The following ZBTB25 variants were observed in gnomAD, a reference collection of about 807,000 sequenced individuals.
The protein encoded by ZBTB25 is zinc finger and BTB domain containing 25.
ZBTB25 carries 20 observed loss-of-function variants against 34.2 expected under a neutral mutation model. The ratio of observed to expected loss-of-function variants is 0.58; its 90% CI spans 0.41 to 0.85. ZBTB25 has a LOEUF of 0.85. Among genes scored for constraint, ZBTB25 ranks in the 40% least tolerant of loss-of-function variants. The pLI is 0.00. For synonymous variants in ZBTB25, 175 were observed against 186.4 expected (o/e 0.94, Z 0.50); for missense variants, 437 against 521.8 (o/e 0.84, Z 1.58).
At position 64,487,200 on chromosome 14, in the gene ZBTB25, G is replaced by C. The variant is rs760366874; in HGVS notation, c.1031C>G (p.Ser344Ter). ...PVELNCNFSF[S>*]RKRKMSCTIC... The stretch of plus-strand genomic sequence containing the variant: ...GGTACAGCTCATTTTTCTTTTCCTT[G>C]AAAAAGAAAAATTACAGTTTAATTC... The change falls in exon 3 of 3, where the codon TCA becomes TGA. Residue 344 changes from serine to a stop codon, truncating the protein, a stop_gained. Coordinates refer to ENST00000608382, the MANE Select transcript of ZBTB25 (RefSeq NM_006977.5). LOFTEE classifies it high-confidence loss of function. 9.3e-6 allele frequency: 15 copies of C among 1,613,488 alleles called. No homozygotes were observed. Among genetic ancestry groups the C allele is most frequent in the Admixed American group, 3.3e-5 (2 of 59,826 alleles).
upstream of ZBTB25, chr14:64,504,544 GCGGGTTGCGCCAGCCTCCT>G (rs1321485853): frequency 5.5e-6 from 1 of 182,554 alleles, no homozygotes; most frequent in African/African-American, 2.4e-5. Context: ...CCCCCGCGGT[GCGGGTTGCGCCAGCCTCCT>G]CGGAGCTCGA....
intron 2 of ZBTB25, chr14:64,460,805 C>T (rs1350884780): frequency 2.6e-5 from 4 of 152,098 alleles, no homozygotes; most frequent in Non-Finnish European, 5.9e-5. Context: ...GTGGGCGGAT[C>T]ACTTGAGGTC....
chr14:64,477,413 T>C (rs2078729878), downstream of ZBTB25, among the ~76,000 whole-genome samples: 1 of 152,222 alleles, frequency 6.6e-6, no homozygotes, highest in South Asian at 2.1e-4. Flanking sequence ...TCCCTTTATA[T>C]GTCTTTCCTC....
downstream of ZBTB25, among the ~76,000 whole-genome samples, chr14:64,476,052 C>T (rs1184185562): frequency 2.0e-5 from 3 of 152,126 alleles, no homozygotes; most frequent in African/African-American, 7.2e-5. Context: ...AAGGTGACAC[C>T]AAAGCAGATG....
At chr14:64,499,857 G>T (rs56007903) in intron 1 of ZBTB25, among the ~76,000 whole-genome samples, 8,491 of 152,284 alleles carry the variant, frequency 0.056, 318 homozygotes, top group Non-Finnish European at 0.086. Flanking sequence ...GGGTATGGAG[G>T]GGGTAGATGA....
At chr14:64,459,689 G>A (rs1018657868) in intron 2 of ZBTB25, 48 of 1,334,616 alleles carry the variant, frequency 3.6e-5, no homozygotes, top group South Asian at 2.8e-4. Flanking sequence ...TAATGGTGCA[G>A]TATGGAAGGA....
At chr14:64,468,942 G>A in intron 2 of ZBTB25, 1 of 1,614,216 alleles carries the variant, frequency 6.2e-7, no homozygotes, top group Non-Finnish European at 8.5e-7. Flanking sequence ...CAGGATCTAA[G>A]TGAAGGCATC....
chr14:64,495,280 T>C (rs976456118), intron 1 of ZBTB25, among the ~76,000 whole-genome samples: 5 of 152,238 alleles, frequency 3.3e-5, no homozygotes, highest in Admixed American at 1.3e-4. Context: ...GCCTCCCCTA[T>C]GGTGGACAGC....
downstream of ZBTB25, among the ~76,000 whole-genome samples, chr14:64,477,547 G>A (rs984635609): frequency 1.3e-5 from 2 of 152,146 alleles, no homozygotes; most frequent in African/African-American, 4.8e-5. Context: ...ATACTGTTGA[G>A]ATTCACTCCC....
At chr14:64,452,434 C>T (rs923243446) in intron 2 of ZBTB25, among the ~76,000 whole-genome samples, 2 of 152,186 alleles carry the variant, frequency 1.3e-5, no homozygotes, top group Admixed American at 1.3e-4. Flanking sequence ...GCAACCTCTC[C>T]GTATGCTGTT....
intron 2 of ZBTB25, 112 bp downstream of exon 2, chr14:64,490,249 A>G (rs2079034203): frequency 4.3e-6 from 2 of 467,396 alleles, no homozygotes; most frequent in Non-Finnish European, 6.6e-6. Context: ...AAAAAATTAT[A>G]ATTTTACTTC....
chr14:64,476,294 T>C (rs1176027524), downstream of ZBTB25, among the ~76,000 whole-genome samples: 1 of 152,254 alleles, frequency 6.6e-6, no homozygotes, highest in African/African-American at 2.4e-5. Flanking sequence ...AGAATATCAC[T>C]TCTGTTTAAA....
chr14:64,492,296 T>A (rs1226372066), intron 1 of ZBTB25, among the ~76,000 whole-genome samples: 1 of 151,848 alleles, frequency 6.6e-6, no homozygotes, highest in East Asian at 1.9e-4. Flanking sequence ...AACCTCCGCC[T>A]CCTGGGTTTA....
At chr14:64,459,146 T>C (rs1345052621) in intron 2 of ZBTB25, among the ~76,000 whole-genome samples, 1 of 152,178 alleles carries the variant, frequency 6.6e-6, no homozygotes, top group Non-Finnish European at 1.5e-5. Context: ...TATCTGGATA[T>C]TTTCAGACGT....
At chr14:64,450,679 C>T (rs1267267081) in intron 2 of ZBTB25, among the ~76,000 whole-genome samples, 1 of 152,104 alleles carries the variant, frequency 6.6e-6, no homozygotes, top group Non-Finnish European at 1.5e-5. Context: ...TTTTCCTATT[C>T]TCTAGGCTAG....
chr14:64,460,649 C>T (rs917563108), intron 2 of ZBTB25: 3 of 152,110 alleles, frequency 2.0e-5, no homozygotes, highest in African/African-American at 7.2e-5. Flanking sequence ...AGCCACCATA[C>T]CTGGCCCAGA....
At chr14:64,475,149 A>G (rs535309619), downstream of ZBTB25, among the ~76,000 whole-genome samples, 1 of 152,240 alleles carries the variant, frequency 6.6e-6, no homozygotes, top group Non-Finnish European at 1.5e-5. Flanking sequence ...GGATTTTTAA[A>G]AGTTTTATGG....
At position 64,480,630 on chromosome 14, in the gene ZBTB25, A is replaced by T. The variant is rs942382540; in HGVS notation, c.*6293T>A. On this transcript the variant is annotated 3_prime_UTR_variant, in exon 3 of 3. Transcript: ENST00000608382. ...TAATAAACTTGTTTTTGATTAAGTC[A>T]CATTAATTTGTCTTGATAAAATATA... is the stretch of plus-strand genomic sequence containing the variant. 2.5e-5 allele frequency: 4 copies of T among 159,138 alleles called. No homozygotes were observed. The highest frequency in any genetic ancestry group is 9.6e-5 in the African/African-American group (4 of 41,504). 9.9% of individuals were successfully genotyped at this position (159,138 alleles called of 1,614,324 possible).
chr14:64,503,305 A>G (rs2079559779), intron 1 of ZBTB25: 2 of 985,206 alleles, frequency 2.0e-6, no homozygotes, highest in Non-Finnish European at 2.4e-6. Flanking sequence ...GGTCGGCGCT[A>G]CCCGAGGGAG....
Sources: gnomAD v4.1 joint callset for allele counts (sites outside exome capture counted in the v4.1 genomes callset) on GRCh38, gnomAD v4.1.1 for gene constraint, MANE v1.5 for transcripts, NCBI Gene and HGNC (gene_info 2026-07-23, HGNC 2026-07-21) for gene names.